The following ZNF267 variants were observed in gnomAD, a reference collection of about 807,000 sequenced individuals.
The protein encoded by ZNF267 is zinc finger (C2H2).
ZNF267 carries 61 observed loss-of-function variants against 71.6 expected under a neutral mutation model. That is an observed-to-expected ratio of 0.85 (90% CI 0.69 to 1.05). The LOEUF (loss-of-function observed/expected upper bound fraction) is 1.05, where lower values mean the gene tolerates loss of function less well. Ranked by LOEUF, ZNF267 falls within the 50% of genes least tolerant of loss-of-function variation. The pLI, the probability that ZNF267 is intolerant of heterozygous loss-of-function variation, is 0.00. For missense variants in ZNF267, 852 were observed against 870.0 expected, an observed-to-expected ratio of 0.98 and a Z score of 0.26; for synonymous variants, 288 against 293.2, an observed-to-expected ratio of 0.98 and a Z score of 0.18.
chr16:31,894,705 G>A (rs927040712), intron 3 of ZNF267: 1 of 478,014 alleles, frequency 2.1e-6, no homozygotes, highest in Non-Finnish European at 4.2e-6. Context: ...CATGCCTGGA[G>A]ACAGGGCATT....
chr16:31,915,046 C>T lies in ZNF267; in HGVS notation c.797C>T (p.Ser266Phe), dbSNP rs966408051. Residue 266 changes from serine to phenylalanine, a missense_variant, in exon 4 of 4, where the codon TCT becomes TTT. Transcript: ENST00000300870. ...SMHGQEKQEQ[S>F]YKCNKCVEVC... ...CATGGGCAAGAGAAACAAGAACAGT[C>T]TTACAAATGTAATAAATGTGTAGAA... 2 of 1,612,844 alleles carry T rather than the reference C, an allele frequency of 1.2e-6. No individual in the cohort carries two copies. The highest frequency in any genetic ancestry group is 1.7e-6 in the Non-Finnish European group (2 of 1,179,642).
Position 31,914,921 on chromosome 16 carries a change from C to T in ZNF267, c.672C>T (p.Thr224=). The change falls in exon 4 of 4, where the codon ACC becomes ACT. Residue 224 remains threonine (T), a synonymous_variant. Transcript: ENST00000300870. ...KNYHCNNSEK[T]LNQSSSPKNH... is the part of the protein sequence containing the mutation. ...ATCATTGCAATAATTCTGAAAAAACCTTGAACCAAAGCTCAAGCCCTAAAA... is the reference window on the plus strand; with the variant it reads ...ATCATTGCAATAATTCTGAAAAAACTTTGAACCAAAGCTCAAGCCCTAAAA... 6.2e-7 allele frequency: 1 copy of T among 1,611,636 alleles called. No homozygotes were observed. The highest frequency in any genetic ancestry group is 8.5e-7 in the Non-Finnish European group (1 of 1,179,368).
At chr16:31,891,716 T>C (rs567503529) in intron 3 of ZNF267, among the ~76,000 whole-genome samples, 1 of 152,384 alleles carries the variant, frequency 6.6e-6, no homozygotes, top group East Asian at 1.9e-4. Flanking sequence ...ACCATGATTG[T>C]GAGGCCTCCT....
At chr16:31,904,048 A>G (rs1325383751) in intron 3 of ZNF267, among the ~76,000 whole-genome samples, 1 of 152,238 alleles carries the variant, frequency 6.6e-6, no homozygotes, top group Non-Finnish European at 1.5e-5. Context: ...TTATGTATCC[A>G]GTAGTCATTC....
intron 3 of ZNF267, among the ~76,000 whole-genome samples, chr16:31,904,652 G>C: frequency 1.3e-5 from 2 of 151,910 alleles, no homozygotes; most frequent in Non-Finnish European, 2.9e-5. Context: ...ATCTTCCTCC[G>C]TCCCTTTATT....
intron 1 of ZNF267, among the ~76,000 whole-genome samples, chr16:31,877,096 C>T (rs76855682): frequency 0.014 from 2,107 of 152,224 alleles, 57 homozygotes; most frequent in African/African-American, 0.048. Context: ...CAACCACTTC[C>T]ATATAGTCGC....
Position 31,884,569 on chromosome 16 carries a change from G to C in ZNF267, c.75G>C (p.Gln25His). The change falls in exon 2 of 4, where the codon CAG becomes CAC. Residue 25 changes from glutamine (Q) to histidine (H), a missense_variant. Transcript: ENST00000300870. Reference protein sequence around the residue: ...LEEWEHLEPAQKNLYQDVMLE... With the variant: ...LEEWEHLEPAHKNLYQDVMLE... ...AGTGGGAACACCTGGAACCAGCTCA[G>C]AAGAATTTGTATCAGGATGTGATGT... 2.5e-6 allele frequency: 4 copies of C among 1,614,118 alleles called. No homozygotes were observed. Among genetic ancestry groups the C allele is most frequent in the Non-Finnish European group, 2.5e-6 (3 of 1,179,986 alleles).
At chr16:31,906,654 C>T (rs969703198) in intron 3 of ZNF267, among the ~76,000 whole-genome samples, 4 of 152,118 alleles carry the variant, frequency 2.6e-5, no homozygotes, top group South Asian at 2.1e-4. Flanking sequence ...GGGAGTGACC[C>T]GATTTTCCAG....
At chr16:31,874,009 G>A (rs1196320293) in intron 1 of ZNF267, 40 bp downstream of exon 1, 1 of 1,600,232 alleles carries the variant, frequency 6.2e-7, no homozygotes, top group Middle Eastern at 1.7e-4. Context: ...GGGAGGGAGG[G>A]CGGTGGTCGG....
At chr16:31,894,335 C>A (rs950114884) in intron 3 of ZNF267, among the ~76,000 whole-genome samples, 21 of 152,226 alleles carry the variant, frequency 1.4e-4, no homozygotes, top group African/African-American at 5.1e-4. Flanking sequence ...ATTTCTTGGA[C>A]CACACTTACT....
Position 31,873,947 on chromosome 16 carries a change from G to A in ZNF267, c.-20G>A. 1 of 1,613,724 alleles carries A rather than the reference G, an allele frequency of 6.2e-7. No individual in the cohort carries two copies. On this transcript the variant is annotated 5_prime_UTR_variant, in exon 1 of 4. Coordinates refer to ENST00000300870, the MANE Select transcript of ZNF267 (RefSeq NM_003414.6). The stretch of plus-strand genomic sequence containing the variant: ...GGGAGATTCGTAGCTAAGACGCCAG[G>A]GCATCCCGGAAGCTGGGAAATGGTG...
At chr16:31,881,659 T>C (rs1225508252) in intron 1 of ZNF267, among the ~76,000 whole-genome samples, 11 of 148,232 alleles carry the variant, frequency 7.4e-5, no homozygotes, top group Non-Finnish European at 1.2e-4. Flanking sequence ...TGAGAAATTC[T>C]TTTTCTTCTT....
chr16:31,892,295 T>A (rs951807459), intron 3 of ZNF267, among the ~76,000 whole-genome samples: 1 of 152,126 alleles, frequency 6.6e-6, no homozygotes, highest in Non-Finnish European at 1.5e-5. Flanking sequence ...TTATTCATTG[T>A]CACAAGATTA....
intron 3 of ZNF267, among the ~76,000 whole-genome samples, chr16:31,885,967 A>C (rs2083921325): frequency 6.6e-6 from 1 of 152,156 alleles, no homozygotes; most frequent in Admixed American, 6.5e-5. Flanking sequence ...GTCTATGGGG[A>C]GCTTAGAACA....
intron 3 of ZNF267, among the ~76,000 whole-genome samples, chr16:31,906,458 A>T (rs947937669): frequency 2.0e-5 from 3 of 151,950 alleles, no homozygotes; most frequent in Admixed American, 6.5e-5. Context: ...TTGTTTACCT[A>T]CTCAAGCCTG....
rs183625469 is a variant in ZNF267, at chr16:31,893,820, T to C, written c.226+8564T>C. ...AGATTTTTTTCCCTGAGAATCTCTGTGTGGGCAGGACTTTTTTTCCAGACC... is the reference window on the plus strand; with the variant it reads ...AGATTTTTTTCCCTGAGAATCTCTGCGTGGGCAGGACTTTTTTTCCAGACC... On this transcript the variant is annotated intron_variant, in intron 3 of 3. Coordinates refer to ENST00000300870, the MANE Select transcript of ZNF267 (RefSeq NM_003414.6). Among the ~76,000 whole-genome samples, 510 of 152,334 alleles carry C rather than the reference T, an allele frequency of 3.3e-3. 3 individuals carry two copies. Among genetic ancestry groups the C allele is most frequent in the African/African-American group, 0.012 (486 of 41,576 alleles).
chr16:31,874,586 A>G (rs2142325385), intron 1 of ZNF267, among the ~76,000 whole-genome samples: 1 of 152,318 alleles, frequency 6.6e-6, no homozygotes, highest in Non-Finnish European at 1.5e-5. Flanking sequence ...TGGTTCGTTA[A>G]GTCTGAATTT....
At chr16:31,902,753 C>T (rs1403504762) in intron 3 of ZNF267, among the ~76,000 whole-genome samples, 1 of 152,184 alleles carries the variant, frequency 6.6e-6, no homozygotes, top group Non-Finnish European at 1.5e-5. Context: ...GATAACTTGA[C>T]TTCCTCTTTT....
chr16:31,917,151 G>C lies in ZNF267; in HGVS notation c.*670G>C, dbSNP rs1025090815. ...GTGTTCATGTGAAAATATGTGTTCT[G>C]TTTTTTTTTCTGCATCAGAACAATG... is the stretch of plus-strand genomic sequence containing the variant. On this transcript the variant is annotated 3_prime_UTR_variant, in exon 4 of 4. Transcript: ENST00000300870. The C allele has an allele frequency of 6.7e-5, 10 of 148,928 alleles. No individual in the cohort carries two copies. Among genetic ancestry groups the C allele is most frequent in the African/African-American group, 2.5e-4 (10 of 40,590 alleles). The allele number at this position is 148,928 out of a possible 1,614,324, so 9.2% of individuals were successfully genotyped here.
Sources: gnomAD v4.1 joint callset for allele counts (sites outside exome capture counted in the v4.1 genomes callset) on GRCh38, gnomAD v4.1.1 for gene constraint, MANE v1.5 for transcripts, NCBI Gene and HGNC (gene_info 2026-07-23, HGNC 2026-07-21) for gene names.